SLC38A6: variants seen among roughly 807,000 people sequenced by gnomAD.
SLC38A6 encodes the protein N system amino acid transporter NAT-1.
Under a neutral mutation model 65.0 loss-of-function variants are expected in SLC38A6, and 73 were observed. The observed-to-expected ratio is 1.12, with a 90% CI of 0.93 to 1.37. SLC38A6 has a LOEUF of 1.37. SLC38A6 is among the 40% of genes most tolerant of loss of function. The pLI is 0.00. For synonymous variants in SLC38A6, 183 were observed against 178.8 expected (o/e 1.02, Z -0.19); for missense variants, 561 against 531.1 (o/e 1.06, Z -0.55).
In SLC38A6 at chr14:61,011,304, T is replaced by A. The variant is rs191514520; in HGVS notation, c.311-4600T>A. ...GGCCGAGATGGTGGGGTTTTCGAGA[T>A]ATACAATCATGTCATCTGCAAACAG... On this transcript the variant is annotated intron_variant, in intron 3 of 15. Coordinates refer to ENST00000267488, the MANE Select transcript of SLC38A6 (RefSeq NM_153811.3). 2.0e-5 allele frequency among the ~76,000 whole-genome samples: 3 copies of A among 152,310 alleles called. No individual in the cohort carries two copies. In the East Asian group the frequency reaches 5.8e-4, roughly 29 times the overall value.
chr14:61,051,929 T>G lies in SLC38A6; in HGVS notation c.1193T>G (p.Val398Gly). The stretch of plus-strand genomic sequence containing the variant: ...GACATTAGAAATGTATTTGGTGTAG[T>G]TGGTAAGTTTTCTGTTTCAAAAAGT... ...VPDIRNVFGV[V>G]GASTSTCLIF... Residue 398 changes from valine (V) to glycine (G), a missense_variant and splice_region_variant, in exon 14 of 16, where the codon GTT becomes GGT. By Grantham distance (109) the Val-to-Gly change is moderately radical (BLOSUM62 -3). Transcript: ENST00000267488. The G allele has an allele frequency of 6.2e-7, 1 of 1,606,414 alleles. No individual in the cohort carries two copies. The highest frequency in any genetic ancestry group is 8.5e-7 in the Non-Finnish European group (1 of 1,178,000).
intron 5 of SLC38A6, among the ~76,000 whole-genome samples, chr14:61,023,486 T>C (rs927967859): frequency 6.6e-6 from 1 of 151,376 alleles, no homozygotes; most frequent in Non-Finnish European, 1.5e-5. Flanking sequence ...GGCAGGAAAA[T>C]CGTTTAAACC....
At chr14:61,000,693 C>T (rs548329409) in intron 3 of SLC38A6, among the ~76,000 whole-genome samples, 6 of 152,244 alleles carry the variant, frequency 3.9e-5, no homozygotes, top group East Asian at 3.9e-4. Context: ...ATCTACATGA[C>T]GTACTGGACA....
At chr14:61,002,483 T>A (rs2038779930) in intron 3 of SLC38A6, among the ~76,000 whole-genome samples, 1 of 152,186 alleles carries the variant, frequency 6.6e-6, no homozygotes, top group South Asian at 2.1e-4. Context: ...CCAAAGATAA[T>A]ATTGCTGCTG....
chr14:61,005,528 T>C (rs968218843), intron 3 of SLC38A6, among the ~76,000 whole-genome samples: 125 of 151,482 alleles, frequency 8.3e-4, no homozygotes, highest in Non-Finnish European at 1.5e-3. Flanking sequence ...AGCATTCTTA[T>C]ACACCAATAA....
At chr14:61,018,379 A>G (rs1244206469) in intron 4 of SLC38A6, among the ~76,000 whole-genome samples, 1 of 152,234 alleles carries the variant, frequency 6.6e-6, no homozygotes, top group Non-Finnish European at 1.5e-5. Flanking sequence ...GGCAATCACC[A>G]CATCTCCAAA....
At chr14:61,048,229 C>A in intron 12 of SLC38A6, 1 of 422,486 alleles carries the variant, frequency 2.4e-6, no homozygotes, top group Admixed American at 2.9e-5. Context: ...CAACTTAAGG[C>A]TTCCAATTCA....
intron 15 of SLC38A6, among the ~76,000 whole-genome samples, chr14:61,068,094 G>A (rs2043092839): frequency 6.6e-6 from 1 of 152,082 alleles, no homozygotes; most frequent in African/African-American, 2.4e-5. Flanking sequence ...CCAAATCAGT[G>A]GGTACAGCCT....
chr14:61,038,262 CAG>C (rs1185805377), intron 8 of SLC38A6, among the ~76,000 whole-genome samples: 4 of 151,626 alleles, frequency 2.6e-5, no homozygotes, highest in Admixed American at 6.6e-5. Context: ...ATAAAAATAT[CAG>C]ATGGTAAATT....
intron 15 of SLC38A6, among the ~76,000 whole-genome samples, chr14:61,074,963 A>C (rs998698413): frequency 6.6e-6 from 1 of 152,148 alleles, no homozygotes; most frequent in Non-Finnish European, 1.5e-5. Context: ...TGTATACTTT[A>C]AAGAGGGTCA....
rs184007182 is a variant in SLC38A6 at position 61,021,692 on chromosome 14, G to A, written c.403+2112G>A. Among the ~76,000 whole-genome samples, 260 of 152,214 alleles carry A rather than the reference G, an allele frequency of 1.7e-3. 1 individual carries two copies. Among genetic ancestry groups the A allele is most frequent in the African/African-American group, 5.5e-3 (229 of 41,538 alleles). On this transcript the variant is annotated intron_variant, in intron 5 of 15. Coordinates refer to ENST00000267488, the MANE Select transcript of SLC38A6 (RefSeq NM_153811.3). Reference sequence around the variant, plus strand: ...TAGAGTGGTCACAGCAGTTTTTAATGTCCCTTAAATTTAGAAAAGCTAGTA... The same window carrying A: ...TAGAGTGGTCACAGCAGTTTTTAATATCCCTTAAATTTAGAAAAGCTAGTA...
chr14:60,984,490 TAAAAAAG>T (rs2037306253), intron 2 of SLC38A6, among the ~76,000 whole-genome samples: 19 of 152,146 alleles, frequency 1.2e-4, no homozygotes, highest in African/African-American at 4.6e-4. Flanking sequence ...CTTGTATTTT[TAAAAAAG>T]TTTGGTTTTT....
At chr14:61,078,739 T>G (rs1471876616) in intron 15 of SLC38A6, 4 of 166,784 alleles carry the variant, frequency 2.4e-5, no homozygotes, top group Non-Finnish European at 2.5e-5. Context: ...ATCTTTTTTT[T>G]TTTAATTATT....
chr14:61,079,477 TTC>T (rs1442550911), intron 16 of SLC38A6, among the ~76,000 whole-genome samples: 1 of 152,022 alleles, frequency 6.6e-6, no homozygotes, highest in African/African-American at 2.4e-5. Context: ...CATGTTGTTT[TTC>T]TCTTTCCCCT....
At chr14:61,064,704 T>C (rs2042968130) in intron 15 of SLC38A6, among the ~76,000 whole-genome samples, 1 of 151,164 alleles carries the variant, frequency 6.6e-6, no homozygotes, top group Admixed American at 6.6e-5. Flanking sequence ...GAATTTTTCC[T>C]GGGAAATATG....
chr14:61,009,327 A>G (rs2039376119), intron 3 of SLC38A6, among the ~76,000 whole-genome samples: 1 of 152,206 alleles, frequency 6.6e-6, no homozygotes, highest in African/African-American at 2.4e-5. Context: ...ATCAATCTGC[A>G]TGTTGACATT....
At chr14:61,027,403 A>G (rs1006158750) in intron 5 of SLC38A6, among the ~76,000 whole-genome samples, 1 of 152,076 alleles carries the variant, frequency 6.6e-6, no homozygotes, top group Non-Finnish European at 1.5e-5. Context: ...TTGTTTTAGG[A>G]ATCTATACTA....
At chr14:61,063,014 T>C (rs1156992632) in intron 15 of SLC38A6, among the ~76,000 whole-genome samples, 1 of 152,194 alleles carries the variant, frequency 6.6e-6, no homozygotes, top group African/African-American at 2.4e-5. Context: ...GCAAAGATTT[T>C]TTTTTCCCCA....
intron 3 of SLC38A6, among the ~76,000 whole-genome samples, chr14:61,015,260 A>C (rs1044001429): frequency 1.3e-5 from 2 of 152,056 alleles, no homozygotes. Context: ...GAGTGACCCG[A>C]TTTTCCAGGT....
Sources: gnomAD v4.1 joint callset for allele counts (sites outside exome capture counted in the v4.1 genomes callset) on GRCh38, gnomAD v4.1.1 for gene constraint, MANE v1.5 for transcripts, NCBI Gene and HGNC (gene_info 2026-07-23, HGNC 2026-07-21) for gene names.